The following TLL1 variants were observed in gnomAD, a reference collection of about 807,000 sequenced individuals.
The protein encoded by TLL1 is tolloid like 1.
A neutral mutation model predicts 128.2 loss-of-function variants in TLL1; 49 were observed. That is an observed-to-expected ratio of 0.38 (90% CI 0.30 to 0.48). TLL1 has a LOEUF of 0.48. Among genes scored for constraint, TLL1 ranks in the 20% least tolerant of loss-of-function variants. TLL1 has a pLI of 0.96. For missense variants in TLL1, 1,123 were observed against 1,242.0 expected (o/e 0.90, Z 1.44); for synonymous variants, 454 against 418.8 (o/e 1.08, Z -1.03).
At chr4:165,976,391 C>T (rs376809623) in intron 1 of TLL1, among the ~76,000 whole-genome samples, 2 of 152,104 alleles carry the variant, frequency 1.3e-5, no homozygotes, top group African/African-American at 2.4e-5. Context: ...ACAAGGCATA[C>T]GTTAGGAAGA....
chr4:165,992,212 A>G (rs1017777982), intron 2 of TLL1, among the ~76,000 whole-genome samples: 1 of 152,012 alleles, frequency 6.6e-6, no homozygotes, highest in African/African-American at 2.4e-5. Flanking sequence ...GCAGCTGAAC[A>G]TTCGTTTGGA....
Position 165,994,450 on chromosome 4 carries a change from G to A in TLL1, c.431G>A (p.Arg144Gln), listed in dbSNP as rs1736772985. The change falls in exon 4 of 21, where the codon CGA becomes CAA. Residue 144 changes from arginine (R) to glutamine (Q), a missense_variant. By Grantham distance (43) the Arg-to-Gln change is conservative. This residue lies in a region of TLL1 where 480 missense variants were observed against 542.4 expected (regional missense o/e 0.89). Coordinates refer to ENST00000061240, the MANE Select transcript of TLL1 (RefSeq NM_012464.5). Reference protein sequence around the residue: ...LQFSGQNEKNRVPRAATSRTE... With the variant: ...LQFSGQNEKNQVPRAATSRTE... ...TTCTCAGGGCAAAATGAGAAAAATC[G>A]AGTTCCCAGAGCCGCTACATCAAGA... 6.2e-7 allele frequency: 1 copy of A among 1,613,986 alleles called. No homozygotes were observed. The highest frequency in any genetic ancestry group is 8.5e-7 in the Non-Finnish European group (1 of 1,179,926).
intron 9 of TLL1, among the ~76,000 whole-genome samples, chr4:166,035,127 C>T (rs748676097): frequency 6.6e-6 from 1 of 152,026 alleles, no homozygotes; most frequent in Non-Finnish European, 1.5e-5. Flanking sequence ...CAAACCATAG[C>T]GAGAGGTGTA....
chr4:166,091,061 C>T lies in TLL1; in HGVS notation c.2443-67C>T, dbSNP rs72976348. 4.3e-3 allele frequency: 5,909 copies of T among 1,387,252 alleles called. 188 individuals are homozygous for T. In the African/African-American group the frequency reaches 0.07, roughly 16 times the overall value. 85.9% of individuals were successfully genotyped at this position (1,387,252 alleles called of 1,614,324 possible). A position where few individuals can be genotyped will look rare whatever the true frequency, so the allele number is the denominator to read the frequency against. On this transcript the variant is annotated intron_variant, in intron 18 of 20. Coordinates refer to ENST00000061240, the MANE Select transcript of TLL1 (RefSeq NM_012464.5). ...TATTTTATTGATATGTATTTCTGTC[C>T]CAAAAATTATCTCATTTTGAGTGAT...
intron 7 of TLL1, among the ~76,000 whole-genome samples, chr4:166,013,788 CT>C (rs1351013589): frequency 6.6e-6 from 1 of 151,730 alleles, no homozygotes; most frequent in African/African-American, 2.4e-5. Flanking sequence ...AACTCACTAT[CT>C]GTAGTTTAAC....
chr4:166,099,861 A>C (rs1742210608), intron 20 of TLL1, among the ~76,000 whole-genome samples: 1 of 152,146 alleles, frequency 6.6e-6, no homozygotes, highest in African/African-American at 2.4e-5. Flanking sequence ...CACCATAGAC[A>C]ATTCTGTCAC....
At chr4:166,098,491 C>T (rs1459075537) in intron 19 of TLL1, among the ~76,000 whole-genome samples, 2 of 152,010 alleles carry the variant, frequency 1.3e-5, no homozygotes, top group Non-Finnish European at 2.9e-5. Context: ...ACAAAGTTCA[C>T]TCAAAAATAA....
At chr4:166,044,283 C>T in intron 12 of TLL1, 1 of 1,209,122 alleles carries the variant, frequency 8.3e-7, no homozygotes, top group Non-Finnish European at 1.2e-6. Flanking sequence ...AGCCCTACTA[C>T]CCAGTGGGTA....
intron 1 of TLL1, among the ~76,000 whole-genome samples, chr4:165,931,533 C>A (rs75632042): frequency 4.0e-5 from 6 of 151,688 alleles, no homozygotes; most frequent in South Asian, 4.2e-4. Flanking sequence ...CTGGCCAACA[C>A]GGTGAAACCC....
At chr4:165,995,876 T>C (rs923717716) in intron 5 of TLL1, among the ~76,000 whole-genome samples, 1 of 152,156 alleles carries the variant, frequency 6.6e-6, no homozygotes, top group Non-Finnish European at 1.5e-5. Context: ...TTCCCACATA[T>C]CAATTTTGTA....
At chr4:165,981,938 G>C (rs78575149) in intron 1 of TLL1, among the ~76,000 whole-genome samples, 9,298 of 152,120 alleles carry the variant, frequency 0.061, 788 homozygotes, top group African/African-American at 0.19. Context: ...AGATTTTGCA[G>C]TGGTTAAGAT....
At chr4:165,940,766 C>T (rs555033879) in intron 1 of TLL1, among the ~76,000 whole-genome samples, 3 of 152,048 alleles carry the variant, frequency 2.0e-5, no homozygotes, top group African/African-American at 7.2e-5. Context: ...CTTATACCGT[C>T]AATTTTATTA....
intron 1 of TLL1, among the ~76,000 whole-genome samples, chr4:165,907,217 G>A (rs1238196930): frequency 6.6e-6 from 1 of 151,896 alleles, no homozygotes; most frequent in Non-Finnish European, 1.5e-5. Flanking sequence ...TCATAGTAAT[G>A]TTTTTGTTAA....
At chr4:165,967,633 G>C (rs1351431515) in intron 1 of TLL1, among the ~76,000 whole-genome samples, 1 of 152,170 alleles carries the variant, frequency 6.6e-6, no homozygotes, top group Non-Finnish European at 1.5e-5. Context: ...AGATTAATCT[G>C]GTTGAGTGGC....
At chr4:165,942,395 T>C (rs1317647605) in intron 1 of TLL1, among the ~76,000 whole-genome samples, 1 of 151,840 alleles carries the variant, frequency 6.6e-6, no homozygotes, top group Non-Finnish European at 1.5e-5. Flanking sequence ...AAAACAATAC[T>C]GTGGGCTCCC....
chr4:165,966,250 G>T (rs890662079), intron 1 of TLL1, among the ~76,000 whole-genome samples: 3 of 151,940 alleles, frequency 2.0e-5, no homozygotes, highest in Non-Finnish European at 4.4e-5. Flanking sequence ...AGACAAAAGG[G>T]TAGAACAAAG....
chr4:165,961,600 T>C (rs1735108195), intron 1 of TLL1, among the ~76,000 whole-genome samples: 1 of 152,160 alleles, frequency 6.6e-6, no homozygotes. Flanking sequence ...CAAAATAGCA[T>C]GGTACTGGTA....
chr4:165,915,247 C>A (rs993244730), intron 1 of TLL1, among the ~76,000 whole-genome samples: 4 of 152,056 alleles, frequency 2.6e-5, no homozygotes, highest in African/African-American at 7.2e-5. Flanking sequence ...ACTAATAGCT[C>A]AAACTGGAAT....
intron 13 of TLL1, among the ~76,000 whole-genome samples, chr4:166,056,610 AT>A (rs1390440747): frequency 6.6e-6 from 1 of 152,122 alleles, no homozygotes; most frequent in Admixed American, 6.6e-5. Context: ...CTTTAAAAGA[AT>A]TTTTGCTGAT....
Sources: allele counts gnomAD v4.1 joint callset (sites outside exome capture counted in the v4.1 genomes callset), GRCh38; gene constraint gnomAD v4.1.1; regional missense constraint gnomAD v4.1.1; transcripts MANE v1.5; gene names NCBI Gene and HGNC (gene_info 2026-07-23, HGNC 2026-07-21).